The following ZNF558 variants were observed in gnomAD, a reference collection of about 807,000 sequenced individuals.
ZNF558 encodes zinc finger protein 558.
Under a neutral mutation model 37.6 loss-of-function variants are expected in ZNF558, and 23 were observed. The observed-to-expected ratio is 0.61, with a 90% CI of 0.44 to 0.87. ZNF558 has a LOEUF of 0.87. Among genes scored for constraint, ZNF558 ranks in the 40% least tolerant of loss-of-function variants. The pLI is 0.00. For missense variants in ZNF558, 429 were observed against 483.7 expected (o/e 0.89, Z 1.06); for synonymous variants, 189 against 174.4 (o/e 1.08, Z -0.66).
chr19:8,828,238 C>T (rs1046344251), intron 2 of ZNF558, among the ~76,000 whole-genome samples: 1 of 152,178 alleles, frequency 6.6e-6, no homozygotes, highest in Non-Finnish European at 1.5e-5. Context: ...GAAGTTAAGG[C>T]TCCAGAGATG....
At chr19:8,831,015 T>C (rs2044339777) in intron 2 of ZNF558, 1 of 152,260 alleles carries the variant, frequency 6.6e-6, no homozygotes, top group South Asian at 2.1e-4. Context: ...TATACTTATA[T>C]AAAATTCAGA....
At chr19:8,821,133 T>G in intron 7 of ZNF558, 47 bp downstream of exon 7, 1 of 1,591,294 alleles carries the variant, frequency 6.3e-7, no homozygotes. Context: ...CAGGCAAGTG[T>G]TGCCACTGGA....
Position 8,811,295 on chromosome 19 carries a change from T to C in ZNF558, c.1195A>G (p.Asn399Asp). 1 of 1,576,434 alleles carries C rather than the reference T, an allele frequency of 6.3e-7. No individual in the cohort carries two copies. The highest frequency in any genetic ancestry group is 8.6e-7 in the Non-Finnish European group (1 of 1,163,938). The change falls in exon 10 of 10, where the codon AAT becomes GAT. Residue 399 changes from asparagine (N) to aspartate (D), a missense_variant. Coordinates refer to ENST00000601372, the MANE Select transcript of ZNF558 (RefSeq NM_144693.3). Reference sequence around the variant, plus strand: ...CCTGCAGTAATTCATATCCATCTATTATGTATTCTCTTGTGCACAGAAAGA... The same window carrying C: ...CCTGCAGTAATTCATATCCATCTATCATGTATTCTCTTGTGCACAGAAAGA... ...SYLSVHKRIH[N>D]RWI
intron 2 of ZNF558, among the ~76,000 whole-genome samples, chr19:8,829,688 A>G (rs939019440): frequency 3.9e-5 from 6 of 152,204 alleles, no homozygotes; most frequent in African/African-American, 1.4e-4. Flanking sequence ...CGGTTTGAAC[A>G]CTGGATGCCC....
At chr19:8,816,934 T>C (rs1404282694) in intron 7 of ZNF558, among the ~76,000 whole-genome samples, 1 of 152,202 alleles carries the variant, frequency 6.6e-6, no homozygotes, top group Non-Finnish European at 1.5e-5. Context: ...TTATATACTA[T>C]TGAAACTAAG....
At chr19:8,835,709 T>A (rs951805695), upstream of ZNF558, among the ~76,000 whole-genome samples, 6 of 152,298 alleles carry the variant, frequency 3.9e-5, no homozygotes, top group South Asian at 1.2e-3. Context: ...TGTGTTCACA[T>A]GACAGCTTGT....
upstream of ZNF558, chr19:8,833,104 T>TAA (rs1163576457): frequency 1.3e-5 from 2 of 152,322 alleles, no homozygotes; most frequent in African/African-American, 4.8e-5. Flanking sequence ...TGGGTATGAA[T>TAA]AAAAGGGTGT....
intron 7 of ZNF558, among the ~76,000 whole-genome samples, chr19:8,820,527 G>C (rs1052219175): frequency 6.6e-6 from 1 of 152,116 alleles, no homozygotes; most frequent in African/African-American, 2.4e-5. Context: ...CTGTTGCCCA[G>C]GCTGCAGTGC....
Position 8,812,643 on chromosome 19 carries a change from T to A in ZNF558, c.344A>T (p.Asp115Val), listed in dbSNP as rs782432513. The A allele has an allele frequency of 1.8e-5, 29 of 1,585,194 alleles. No homozygotes were observed. The highest frequency in any genetic ancestry group is 2.3e-5 in the Non-Finnish European group (27 of 1,170,372). ...TTTGGCTTTAAGTAGAGTCTCCAAA[T>A]CTGAAACAAATTGAAAAGAAATTTA... is the stretch of plus-strand genomic sequence containing the variant. ...ERGILPSTCP[D>V]LETLLKAKWL... The change falls in exon 9 of 10, where the codon GAT becomes GTT. Residue 115 changes from aspartate to valine, a missense_variant and splice_region_variant. Physicochemically the swap from Asp to Val is radical, Grantham distance 152. Transcript: ENST00000601372.
chr19:8,822,759 C>T lies in ZNF558; in HGVS notation c.-65-35G>A, dbSNP rs1026790536. ...ACGGGAATGCTCCAAGTCTCCGTGG[C>T]CTCCTCCCTCTCGGGCTGCTGGGGA... On this transcript the variant is annotated intron_variant, in intron 4 of 9. Coordinates refer to ENST00000601372, the MANE Select transcript of ZNF558 (RefSeq NM_144693.3). The surrounding 1 kb of genome is among the most constrained non-coding windows in gnomAD (Gnocchi z 4.4). 1.1e-5 allele frequency: 17 copies of T among 1,588,646 alleles called. No individual in the cohort carries two copies. The African/African-American group carries it at 2.3e-4, about 21-fold the overall frequency.
intron 2 of ZNF558, among the ~76,000 whole-genome samples, chr19:8,828,954 TTCTG>T (rs1328853829): frequency 7.0e-6 from 1 of 142,446 alleles, no homozygotes; most frequent in Admixed American, 7.0e-5. Context: ...CCAAGTGAGA[TTCTG>T]TCTCATTAAA....
chr19:8,826,681 G>A (rs375065281), intron 2 of ZNF558, among the ~76,000 whole-genome samples: 43 of 152,276 alleles, frequency 2.8e-4, no homozygotes, highest in African/African-American at 7.5e-4. Context: ...GCACTGGTCC[G>A]TGGCCCAGGG....
intron 2 of ZNF558, among the ~76,000 whole-genome samples, chr19:8,825,553 C>A (rs2044212298): frequency 6.6e-6 from 1 of 152,038 alleles, no homozygotes; most frequent in African/African-American, 2.4e-5. Flanking sequence ...TGTCATGTGT[C>A]CTTTTTATAA....
Position 8,813,169 on chromosome 19 carries a change from C to A in ZNF558, c.301G>T (p.Val101Leu). 3.1e-6 allele frequency: 5 copies of A among 1,600,018 alleles called. No individual in the cohort carries two copies. The highest frequency in any genetic ancestry group is 4.3e-6 in the Non-Finnish European group (5 of 1,172,664). ...AGAATTCCTCTTTCCTCTGTCACCA[C>A]CTTCTTGTCTTGTTCCAACTGGGAT... ...LISQLEQDKK[V>L]VTEERGILPS... Residue 101 changes from valine to leucine, a missense_variant, in exon 8 of 10, where the codon GTG becomes TTG. Transcript: ENST00000601372.
At chr19:8,833,249 T>C (rs1258833312), upstream of ZNF558, 1 of 152,210 alleles carries the variant, frequency 6.6e-6, no homozygotes, top group East Asian at 1.9e-4. Context: ...TAGGATCAGA[T>C]TATGTATGCA....
intron 7 of ZNF558, among the ~76,000 whole-genome samples, chr19:8,818,898 T>C (rs2044010245): frequency 6.6e-6 from 1 of 152,162 alleles, no homozygotes; most frequent in Non-Finnish European, 1.5e-5. Context: ...CCACATAATT[T>C]TCAATAAGGG....
At chr19:8,821,009 G>C (rs1425046172) in intron 7 of ZNF558, among the ~76,000 whole-genome samples, 171 bp downstream of exon 7, 2 of 152,066 alleles carry the variant, frequency 1.3e-5, no homozygotes, top group African/African-American at 4.8e-5. Flanking sequence ...AGTGTTGATG[G>C]TTGCACAATA....
chr19:8,806,684 TGA>T lies in ZNF558; in HGVS notation c.*4595_*4596del, dbSNP rs1427500381. On this transcript the variant is annotated 3_prime_UTR_variant, in exon 10 of 10. Coordinates refer to ENST00000601372, the MANE Select transcript of ZNF558 (RefSeq NM_144693.3). ...ACTGCACTCCAGCATGGCGACAGAG[TGA>T]GACTCCATCTCAAAAAAAAAAAAAA... The T allele has an allele frequency of 2.3e-5, 3 of 130,540 alleles. No individual in the cohort carries two copies. The highest frequency in any genetic ancestry group is 9.2e-5 in the African/African-American group (3 of 32,774). The allele number at this position is 130,540 out of a possible 1,614,324, so 8.1% of individuals were successfully genotyped here. A position where few individuals can be genotyped will look rare whatever the true frequency, so the allele number is the denominator to read the frequency against.
At chr19:8,812,674 A>C in intron 8 of ZNF558, 31 bp from the exon 9 acceptor site, 1 of 1,479,254 alleles carries the variant, frequency 6.8e-7, no homozygotes, top group Non-Finnish European at 9.2e-7. Flanking sequence ...ATTTAGGTTG[A>C]TGGAGAAAAG....
Sources: allele counts gnomAD v4.1 joint callset (sites outside exome capture counted in the v4.1 genomes callset), GRCh38; gene constraint gnomAD v4.1.1; non-coding constraint Gnocchi (gnomAD v3.1); transcripts MANE v1.5; gene names NCBI Gene and HGNC (gene_info 2026-07-23, HGNC 2026-07-21).